IAPP: variants seen among roughly 807,000 people sequenced by gnomAD.
IAPP encodes the protein islet amyloid polypeptide.
In IAPP, 4 loss-of-function variants were observed where a neutral mutation model predicts 2.9. The ratio of observed to expected loss-of-function variants is 1.39; its 90% CI spans 0.69 to 3.19. IAPP has a LOEUF of 3.19. Among genes scored for constraint, IAPP ranks in the 30% most tolerant of loss-of-function variants. The probability of loss-of-function intolerance (pLI) is 0.01; values close to 1 mark genes in which losing one functional copy is unlikely to be tolerated. For synonymous variants in IAPP, 40 were observed against 42.1 expected (o/e 0.95, Z 0.19); for missense variants, 114 against 105.3 (o/e 1.08, Z -0.36).
In IAPP at chr12:21,379,779, GA is replaced by G; in HGVS notation, c.*1356del. 1 of 152,248 alleles carries G rather than the reference GA, an allele frequency of 6.6e-6. No homozygotes were observed. The highest frequency in any genetic ancestry group is 1.5e-5 in the Non-Finnish European group (1 of 68,020). 9.4% of individuals were successfully genotyped at this position (152,248 alleles called of 1,614,324 possible). ...AAAAATAAGCATTTCAATCTAAGTGGAAATTTGACTCATTGACTTACATTTC... is the reference window on the plus strand; with the variant it reads ...AAAAATAAGCATTTCAATCTAAGTGGAATTTGACTCATTGACTTACATTTC... On this transcript the variant is annotated 3_prime_UTR_variant, in exon 3 of 3. Coordinates refer to ENST00000240652, the MANE Select transcript of IAPP (RefSeq NM_000415.3).
intron 1 of IAPP, among the ~76,000 whole-genome samples, chr12:21,355,925 A>C (rs1303336083): frequency 6.6e-6 from 1 of 152,190 alleles, no homozygotes. Context: ...AAACTAACTT[A>C]ATCTTTGATA....
intron 1 of IAPP, among the ~76,000 whole-genome samples, chr12:21,359,753 A>G (rs1938674366): frequency 6.6e-6 from 1 of 152,012 alleles, no homozygotes; most frequent in Non-Finnish European, 1.5e-5. Context: ...TCTTAAAAAA[A>G]AAAAAAAAAT....
intron 1 of IAPP, among the ~76,000 whole-genome samples, chr12:21,365,227 C>T (rs1300103547): frequency 1.3e-5 from 2 of 152,110 alleles, no homozygotes; most frequent in Admixed American, 1.3e-4. Context: ...GAATAGAGCC[C>T]TCAGAAATAA....
In IAPP at chr12:21,379,895, T is replaced by C. The variant is rs1037004706; in HGVS notation, c.*1469T>C. On this transcript the variant is annotated 3_prime_UTR_variant, in exon 3 of 3. Transcript: ENST00000240652. ...GGTGGTAAGTGGTAGCGGTAGTGAGTGTATAGAGGCAGGGAAATATATTTA... is the reference window on the plus strand; with the variant it reads ...GGTGGTAAGTGGTAGCGGTAGTGAGCGTATAGAGGCAGGGAAATATATTTA... The C allele has an allele frequency of 2.0e-5, 3 of 152,098 alleles. No homozygotes were observed. The highest frequency in any genetic ancestry group is 4.4e-5 in the Non-Finnish European group (3 of 68,012). 9.4% of individuals were successfully genotyped at this position (152,098 alleles called of 1,614,324 possible). A position where few individuals can be genotyped will look rare whatever the true frequency, so the allele number is the denominator to read the frequency against.
upstream of IAPP, among the ~76,000 whole-genome samples, chr12:21,372,456 T>G (rs935622885): frequency 2.6e-5 from 4 of 152,214 alleles, no homozygotes; most frequent in African/African-American, 9.6e-5. Context: ...TATGCCCTTT[T>G]TATACACCTT....
chr12:21,356,623 G>A (rs1425183332), intron 1 of IAPP, among the ~76,000 whole-genome samples: 1 of 152,050 alleles, frequency 6.6e-6, no homozygotes, highest in Non-Finnish European at 1.5e-5. Context: ...ATATACTAAA[G>A]GGAACAATTC....
intron 1 of IAPP, among the ~76,000 whole-genome samples, chr12:21,361,283 T>C (rs555933026): frequency 6.6e-6 from 1 of 152,088 alleles, no homozygotes; most frequent in Non-Finnish European, 1.5e-5. Context: ...GGGTCTGGAG[T>C]GGACCTCCAG....
At chr12:21,376,818 T>C (rs1009349711) in intron 2 of IAPP, among the ~76,000 whole-genome samples, 2 of 152,150 alleles carry the variant, frequency 1.3e-5, no homozygotes, top group African/African-American at 4.8e-5. Flanking sequence ...CACTGGCTCC[T>C]GGACATTGAG....
upstream of IAPP, among the ~76,000 whole-genome samples, chr12:21,369,215 A>T (rs1192884340): frequency 6.6e-6 from 1 of 152,134 alleles, no homozygotes; most frequent in Non-Finnish European, 1.5e-5. Context: ...ATATCCTGAC[A>T]CTCATGTTTA....
At chr12:21,367,037 A>G (rs1385691285) in intron 1 of IAPP, among the ~76,000 whole-genome samples, 1 of 152,118 alleles carries the variant, frequency 6.6e-6, no homozygotes, top group African/African-American at 2.4e-5. Flanking sequence ...AAAGATCCAC[A>G]CCAAAGCATA....
chr12:21,362,845 C>A (rs976685097), intron 1 of IAPP, among the ~76,000 whole-genome samples: 1 of 152,178 alleles, frequency 6.6e-6, no homozygotes, highest in Non-Finnish European at 1.5e-5. Flanking sequence ...GAAGAGCTAA[C>A]TATCCTAAAT....
chr12:21,355,746 G>A (rs1938316344), intron 1 of IAPP, among the ~76,000 whole-genome samples: 3 of 152,116 alleles, frequency 2.0e-5, no homozygotes, highest in Admixed American at 2.0e-4. Context: ...GTAACTGAGA[G>A]TTCTCAGAAA....
In IAPP at chr12:21,378,643, G is replaced by A; in HGVS notation, c.*217G>A. ...TTTAAAATGAAATGTTTTTGCTATA[G>A]ATTTGTATTTTAAAACATAAGAACG... On this transcript the variant is annotated 3_prime_UTR_variant, in exon 3 of 3. Coordinates refer to ENST00000240652, the MANE Select transcript of IAPP (RefSeq NM_000415.3). 1 of 490,212 alleles carries A rather than the reference G, an allele frequency of 2.0e-6. No individual in the cohort carries two copies. The allele number at this position is 490,212 out of a possible 1,614,324, so 30.4% of individuals were successfully genotyped here.
intron 2 of IAPP, among the ~76,000 whole-genome samples, chr12:21,377,059 TAA>T (rs1322020186): frequency 6.6e-6 from 1 of 152,134 alleles, no homozygotes; most frequent in Non-Finnish European, 1.5e-5. Flanking sequence ...AATAAAAACA[TAA>T]GTTAAAATTA....
At chr12:21,365,872 T>G (rs1565517964) in intron 1 of IAPP, among the ~76,000 whole-genome samples, 1 of 152,172 alleles carries the variant, frequency 6.6e-6, no homozygotes, top group Non-Finnish European at 1.5e-5. Context: ...CCAGTTAGAC[T>G]GGCAATCATT....
At position 21,373,739 on chromosome 12, in the gene IAPP, A is replaced by T. The variant is rs572557497; in HGVS notation, c.80+308A>T. 5.7e-6 allele frequency: 4 copies of T among 700,968 alleles called. No homozygotes were observed. In the African/African-American group the frequency reaches 7.0e-5, roughly 12 times the overall value. 43.4% of individuals were successfully genotyped at this position (700,968 alleles called of 1,614,324 possible). A position where few individuals can be genotyped will look rare whatever the true frequency, so the allele number is the denominator to read the frequency against. The stretch of plus-strand genomic sequence containing the variant: ...AGCGGGAAAAAAATCAAAAGGTAGT[A>T]ATTTCTTCTATATTAACCTGATACT... On this transcript the variant is annotated intron_variant, in intron 2 of 2. Transcript: ENST00000240652.
intron 1 of IAPP, among the ~76,000 whole-genome samples, chr12:21,360,363 TA>T (rs1257580395): frequency 6.6e-6 from 1 of 152,142 alleles, no homozygotes; most frequent in Non-Finnish European, 1.5e-5. Context: ...TAAAAATAAA[TA>T]AATGGGCCAA....
At chr12:21,361,104 C>T (rs925361092) in intron 1 of IAPP, among the ~76,000 whole-genome samples, 2 of 152,208 alleles carry the variant, frequency 1.3e-5, no homozygotes, top group Non-Finnish European at 2.9e-5. Flanking sequence ...GGGTCCCTGA[C>T]CCCTGAGTAG....
At chr12:21,372,037 A>C (rs1482410195), upstream of IAPP, among the ~76,000 whole-genome samples, 2 of 152,114 alleles carry the variant, frequency 1.3e-5, no homozygotes, top group East Asian at 1.9e-4. Context: ...GAGAGAAAGA[A>C]ATACAAGAAA....
Sources: gnomAD v4.1 joint callset for allele counts (sites outside exome capture counted in the v4.1 genomes callset) on GRCh38, gnomAD v4.1.1 for gene constraint, MANE v1.5 for transcripts, NCBI Gene and HGNC (gene_info 2026-07-23, HGNC 2026-07-21) for gene names.